Variants in TEAD1 observed in about 807,000 individuals in gnomAD.
The protein encoded by TEAD1 is transcriptional enhancer factor TEF-1.
A neutral mutation model predicts 54.9 loss-of-function variants in TEAD1; 9 were observed. The observed-to-expected ratio is 0.16, with a 90% CI of 0.10 to 0.29. The LOEUF (loss-of-function observed/expected upper bound fraction) is 0.29, where lower values mean the gene tolerates loss of function less well. TEAD1 is among the 10% of genes least tolerant of loss of function. The pLI, the probability that TEAD1 is intolerant of heterozygous loss-of-function variation, is 1.00. For missense variants in TEAD1, 387 were observed against 535.9 expected (o/e 0.72, Z 2.74); for synonymous variants, 200 against 187.8 (o/e 1.07, Z -0.53).
chr11:12,720,945 A>C (rs150209682), intron 2 of TEAD1, among the ~76,000 whole-genome samples: 2 of 152,322 alleles, frequency 1.3e-5, no homozygotes, highest in Admixed American at 6.5e-5. Flanking sequence ...ACTTCTCAGA[A>C]GTTAACTCAT....
intron 2 of TEAD1, among the ~76,000 whole-genome samples, chr11:12,729,967 A>G (rs1263602975): frequency 6.6e-6 from 1 of 152,228 alleles, no homozygotes; most frequent in East Asian, 1.9e-4. Context: ...AGGCTTTGCA[A>G]TGCCTGGCAC....
chr11:12,821,961 C>CTTTTTTTTTTTTT (rs10700151), intron 3 of TEAD1, among the ~76,000 whole-genome samples: 2,603 of 68,016 alleles, frequency 0.038, 559 homozygotes, highest in Middle Eastern at 0.097. Flanking sequence ...TTCTCTTTTC[C>CTTTTTTTTTTTTT]TTTTTTTTTT....
At chr11:12,798,008 T>A (rs1945973055) in intron 3 of TEAD1, among the ~76,000 whole-genome samples, 1 of 152,222 alleles carries the variant, frequency 6.6e-6, no homozygotes, top group Non-Finnish European at 1.5e-5. Context: ...ATGCTTTCCA[T>A]CCCTGCAATG....
intron 3 of TEAD1, among the ~76,000 whole-genome samples, chr11:12,798,704 G>C (rs1352334045): frequency 6.6e-6 from 1 of 152,232 alleles, no homozygotes; most frequent in African/African-American, 2.4e-5. Flanking sequence ...TGTATTTACG[G>C]TTGAGTTTGG....
At chr11:12,923,166 C>T (rs1162454713) in intron 10 of TEAD1, among the ~76,000 whole-genome samples, 3 of 152,236 alleles carry the variant, frequency 2.0e-5, no homozygotes, top group African/African-American at 7.2e-5. Context: ...TGGTTGTGCC[C>T]TGTCACTGTT....
intron 2 of TEAD1, among the ~76,000 whole-genome samples, chr11:12,715,689 G>C (rs748866354): frequency 2.6e-5 from 4 of 152,068 alleles, no homozygotes; most frequent in Non-Finnish European, 5.9e-5. Flanking sequence ...TTGGGTTGTA[G>C]ATGGGCTTAT....
intron 5 of TEAD1, chr11:12,878,895 A>C (rs1265793196): frequency 5.4e-6 from 7 of 1,286,764 alleles, no homozygotes; most frequent in Non-Finnish European, 7.1e-6. Context: ...CCAGGTAACA[A>C]GCATGGTAAG....
chr11:12,743,079 C>A lies in TEAD1; in HGVS notation c.-54-21100C>A, dbSNP rs535995683. The stretch of plus-strand genomic sequence containing the variant: ...ATAGAGACCTCTTGTTTGTCCTTCT[C>A]TTTCTTGGCTGGTGTTCTTGCCTTG... On this transcript the variant is annotated intron_variant, in intron 2 of 12. Transcript: ENST00000527636. Among the ~76,000 whole-genome samples, 181 of 152,334 alleles carry A rather than the reference C, an allele frequency of 1.2e-3. 1 individual carries two copies. Among genetic ancestry groups the A allele is most frequent in the African/African-American group, 4.2e-3 (173 of 41,576 alleles).
chr11:12,737,469 CAAGT>C (rs1384479086), intron 2 of TEAD1, among the ~76,000 whole-genome samples: 1 of 152,178 alleles, frequency 6.6e-6, no homozygotes, highest in South Asian at 2.1e-4. Context: ...AGCTCACAAG[CAAGT>C]GTGTGTCCTC....
chr11:12,824,020 T>C (rs530769581), intron 3 of TEAD1, among the ~76,000 whole-genome samples: 1 of 152,278 alleles, frequency 6.6e-6, no homozygotes, highest in South Asian at 2.1e-4. Context: ...CACCAGAAAA[T>C]GAGAACGTCT....
chr11:12,782,522 G>C (rs1012259297), intron 3 of TEAD1, among the ~76,000 whole-genome samples: 4 of 152,186 alleles, frequency 2.6e-5, no homozygotes, highest in Middle Eastern at 3.2e-3. Context: ...AGTTCTTTCT[G>C]GGGTGATTAA....
intron 12 of TEAD1, among the ~76,000 whole-genome samples, chr11:12,933,834 A>T (rs1949053478): frequency 6.6e-6 from 1 of 152,214 alleles, no homozygotes; most frequent in South Asian, 2.1e-4. Flanking sequence ...AATAAATTTG[A>T]GATACCATCT....
At chr11:12,851,099 CATTT>C (rs1027507351) in intron 3 of TEAD1, 8 of 982,210 alleles carry the variant, frequency 8.1e-6, no homozygotes, top group African/African-American at 1.7e-5. Flanking sequence ...CTCCTTCATT[CATTT>C]ATTAAAACCA....
intron 9 of TEAD1, among the ~76,000 whole-genome samples, chr11:12,890,547 C>G (rs574453499): frequency 9.2e-5 from 14 of 152,168 alleles, no homozygotes; most frequent in South Asian, 2.1e-4. Flanking sequence ...TCCAGTCTGT[C>G]TTAAGTGGAC....
intron 2 of TEAD1, among the ~76,000 whole-genome samples, chr11:12,697,964 A>C (rs949964181): frequency 5.3e-5 from 8 of 150,852 alleles, no homozygotes; most frequent in Non-Finnish European, 1.0e-4. Flanking sequence ...CAAAGGTTGC[A>C]GTGAGCCAAG....
At chr11:12,856,075 G>T (rs1308270889) in intron 3 of TEAD1, among the ~76,000 whole-genome samples, 1 of 151,852 alleles carries the variant, frequency 6.6e-6, no homozygotes, top group Non-Finnish European at 1.5e-5. Context: ...TGCCGGCATG[G>T]GGTCTCCTGT....
In TEAD1 at chr11:12,882,987, G is replaced by A. The variant is rs577840916; in HGVS notation, c.575-14G>A. The A allele has an allele frequency of 6.2e-6, 10 of 1,614,102 alleles. No individual in the cohort carries two copies. The African/African-American group carries it at 6.7e-5, about 11-fold the overall frequency. ...GTGAGTGACCAGCATCAAAGGTGAC[G>A]ATTGCTCTTTCAGGGTTTGAGCCTG... On this transcript the variant is annotated splice_polypyrimidine_tract_variant and intron_variant, in intron 8 of 12. Coordinates refer to ENST00000527636, the MANE Select transcript of TEAD1 (RefSeq NM_021961.6).
At chr11:12,761,557 G>A (rs914641168) in intron 2 of TEAD1, among the ~76,000 whole-genome samples, 1 of 152,210 alleles carries the variant, frequency 6.6e-6, no homozygotes, top group Non-Finnish European at 1.5e-5. Context: ...GACAACCTCT[G>A]AGGGGCAGGA....
At chr11:12,763,129 C>A (rs1012686437) in intron 2 of TEAD1, among the ~76,000 whole-genome samples, 1 of 152,158 alleles carries the variant, frequency 6.6e-6, no homozygotes, top group Admixed American at 6.5e-5. Flanking sequence ...TGGATTAGAT[C>A]ATTTTCACAT....
Sources: allele counts gnomAD v4.1 joint callset (sites outside exome capture counted in the v4.1 genomes callset), GRCh38; gene constraint gnomAD v4.1.1; transcripts MANE v1.5; gene names NCBI Gene and HGNC (gene_info 2026-07-23, HGNC 2026-07-21).